The following DMD variants were observed in gnomAD, a reference collection of about 807,000 sequenced individuals.
DMD encodes the protein dystrophin.
A neutral mutation model predicts 330.1 loss-of-function variants in DMD; 63 were observed. The ratio of observed to expected loss-of-function variants is 0.19; its 90% CI spans 0.16 to 0.24. The LOEUF is 0.24. Among genes scored for constraint, DMD ranks in the 10% least tolerant of loss-of-function variants. DMD has a pLI of 1.00. For missense variants in DMD, 3,344 were observed against 2,684.1 expected (o/e 1.25, Z -5.43); for synonymous variants, 1,223 against 959.8 (o/e 1.27, Z -5.07).
chrX:31,740,373 G>T (rs2149069863), intron 51 of DMD, among the ~76,000 whole-genome samples: 1 of 111,713 alleles, frequency 9.0e-6, no homozygotes, highest in South Asian at 3.7e-4. Context: ...GCAGGCTTTT[G>T]ATATTATGGC....
At chrX:32,554,746 G>A (rs1303045814) in intron 16 of DMD, among the ~76,000 whole-genome samples, 1 of 92,975 alleles carries the variant, frequency 1.1e-5, no homozygotes, top group Non-Finnish European at 2.1e-5. Flanking sequence ...TGAAAAGAAG[G>A]GATTTCTCCC....
chrX:32,517,141 T>A (rs1048338934), intron 18 of DMD: 2 of 111,884 alleles, frequency 1.8e-5, no homozygotes, highest in Non-Finnish European at 3.8e-5. Flanking sequence ...CTTCATGATT[T>A]GAATCCTGGA....
chrX:33,136,883 C>T (rs990294351), intron 1 of DMD, among the ~76,000 whole-genome samples: 14 of 110,799 alleles, frequency 1.3e-4, no homozygotes, highest in African/African-American at 4.3e-4. Flanking sequence ...GAATTACCAT[C>T]ATTATATATG....
At chrX:31,159,782 C>T (rs1275887849) in intron 74 of DMD, among the ~76,000 whole-genome samples, 2 of 112,095 alleles carry the variant, frequency 1.8e-5, no homozygotes. Flanking sequence ...TTGCTAAGCA[C>T]CAAGCCACAC....
intron 41 of DMD, among the ~76,000 whole-genome samples, chrX:32,312,847 C>T (rs866991333): frequency 3.9e-5 from 4 of 102,316 alleles, no homozygotes; most frequent in African/African-American, 1.4e-4. Flanking sequence ...AATTCCTGGA[C>T]ACATACACCC....
At chrX:31,707,847 C>T (rs757270394) in intron 52 of DMD, among the ~76,000 whole-genome samples, 114 of 110,341 alleles carry the variant, frequency 1.0e-3, no homozygotes, top group African/African-American at 3.7e-3. Flanking sequence ...CCCGAATCTC[C>T]CTTTAATTCT....
chrX:31,885,420 C>A (rs1248416554), intron 47 of DMD, among the ~76,000 whole-genome samples: 1 of 109,756 alleles, frequency 9.1e-6, no homozygotes, highest in African/African-American at 3.3e-5. Context: ...ACCATCCTGG[C>A]TAACACGGTG....
chrX:32,674,371 C>A (rs913009905), intron 9 of DMD, among the ~76,000 whole-genome samples: 1 of 111,262 alleles, frequency 9.0e-6, no homozygotes, highest in Non-Finnish European at 1.9e-5. Context: ...TATACTTGCT[C>A]TTTTTGAGGA....
Position 33,066,223 on chromosome X carries a change from G to A in DMD, c.32-46023C>T, listed in dbSNP as rs756246793. 8.1e-4 allele frequency among the ~76,000 whole-genome samples: 88 copies of A among 108,946 alleles called. 1 individual carries two copies. The highest frequency in any genetic ancestry group is 2.8e-3 in the African/African-American group (84 of 29,940). The allele number at this position is 108,946 out of a possible 115,157, so 94.6% of individuals were successfully genotyped here. The stretch of plus-strand genomic sequence containing the variant: ...TCCTAGCACTTTGGGAGGCCGAGGC[G>A]GGCAGATCACTTGAGGTCAGGAGTT... On this transcript the variant is annotated intron_variant, in intron 1 of 78. Coordinates refer to ENST00000357033, the MANE Select transcript of DMD (RefSeq NM_004006.3).
chrX:32,049,512 A>G (rs2096090733), intron 44 of DMD, among the ~76,000 whole-genome samples: 1 of 111,360 alleles, frequency 9.0e-6, no homozygotes, highest in African/African-American at 3.3e-5. Context: ...AAAGACCTGA[A>G]GTGATACATT....
intron 7 of DMD, among the ~76,000 whole-genome samples, chrX:32,759,491 T>G (rs1220013917): frequency 9.0e-6 from 1 of 111,339 alleles, no homozygotes; most frequent in Admixed American, 9.6e-5. Flanking sequence ...CTCAGCAATA[T>G]GCGGCACACC....
intron 1 of DMD, among the ~76,000 whole-genome samples, chrX:33,023,785 C>G (rs1309290431): frequency 9.0e-6 from 1 of 111,106 alleles, no homozygotes. Context: ...TGAACCTTCT[C>G]TATAGAAAAA....
intron 9 of DMD, among the ~76,000 whole-genome samples, chrX:32,690,103 A>G (rs2063166793): frequency 9.0e-6 from 1 of 110,661 alleles, no homozygotes; most frequent in Admixed American, 9.7e-5. Flanking sequence ...ATAAATCAGA[A>G]ATGAAGAATG....
chrX:32,488,476 G>T (rs2042688781), intron 20 of DMD, among the ~76,000 whole-genome samples: 1 of 111,473 alleles, frequency 9.0e-6, no homozygotes, highest in Non-Finnish European at 1.9e-5. Flanking sequence ...ATAAAACGCT[G>T]AGAAACATGT....
At position 32,809,919 on chromosome X, in the gene DMD, CAAAAAAAAAAAA is replaced by C. The variant is rs55898363; in HGVS notation, c.531-320_531-309del. The stretch of plus-strand genomic sequence containing the variant: ...CAATTTGGTGAAACCTTGTTTCTAC[CAAAAAAAAAAAA>C]AAAAAAAAAAAAAAAGAAAGAAAGA... On this transcript the variant is annotated intron_variant, in intron 6 of 78. Transcript: ENST00000357033. 7.7e-3 allele frequency among the ~76,000 whole-genome samples: 222 copies of C among 28,651 alleles called. 1 individual carries two copies. The highest frequency in any genetic ancestry group is 0.027 in the African/African-American group (204 of 7,457). The allele number at this position is 28,651 out of a possible 115,157, so 24.9% of individuals were successfully genotyped here. A position where few individuals can be genotyped will look rare whatever the true frequency, so the allele number is the denominator to read the frequency against.
chrX:32,565,891 CAAGA>C lies in DMD; in HGVS notation c.1813-14_1813-11del. The C allele has an allele frequency of 1.7e-6, 2 of 1,200,789 alleles. No homozygotes were observed. The highest frequency in any genetic ancestry group is 1.1e-6 in the Non-Finnish European group (1 of 887,010). On this transcript the variant is annotated splice_polypyrimidine_tract_variant and intron_variant, in intron 15 of 78. Transcript: ENST00000357033. ...GATCCGCTTTTAAAACCTGTTAAAA[CAAGA>C]AAGATCACAGAATAAGCCTGGGTTG...
At chrX:32,176,630 G>T (rs977227562) in intron 44 of DMD, among the ~76,000 whole-genome samples, 1 of 111,534 alleles carries the variant, frequency 9.0e-6, no homozygotes, top group Admixed American at 9.5e-5. Context: ...CATTTTAGCT[G>T]AGTATAGAAA....
At chrX:32,806,957 A>G (rs1403871317) in intron 7 of DMD, among the ~76,000 whole-genome samples, 5 of 109,060 alleles carry the variant, frequency 4.6e-5, no homozygotes, top group Admixed American at 2.0e-4. Context: ...TTGAGAGGGA[A>G]ATTTACAGCA....
chrX:31,809,963 T>G (rs889028735), intron 50 of DMD, among the ~76,000 whole-genome samples: 1 of 111,256 alleles, frequency 9.0e-6, no homozygotes, highest in Admixed American at 9.6e-5. Flanking sequence ...ACTAAACAGC[T>G]GGTCAAGCAC....
Sources: allele counts gnomAD v4.1 joint callset (sites outside exome capture counted in the v4.1 genomes callset), GRCh38; gene constraint gnomAD v4.1.1; transcripts MANE v1.5; gene names NCBI Gene and HGNC (gene_info 2026-07-23, HGNC 2026-07-21).